Variants in TNFSF11 observed in about 807,000 individuals in gnomAD.
TNFSF11 encodes tumor necrosis factor ligand superfamily member 11.
A neutral mutation model predicts 32.2 loss-of-function variants in TNFSF11; 12 were observed. The observed-to-expected ratio is 0.37, with a 90% confidence interval of 0.24 to 0.60. The LOEUF (loss-of-function observed/expected upper bound fraction) is 0.60, where lower values mean the gene tolerates loss of function less well. TNFSF11 is among the 20% of genes least tolerant of loss of function. TNFSF11 has a pLI of 0.66. For missense variants in TNFSF11, 345 were observed against 398.0 expected, an observed-to-expected ratio of 0.87 and a Z score of 1.13; for synonymous variants, 172 against 152.1, an observed-to-expected ratio of 1.13 and a Z score of -0.96.
chr13:42,594,832 G>A (rs1868709783), intron 2 of TNFSF11, among the ~76,000 whole-genome samples: 1 of 152,138 alleles, frequency 6.6e-6, no homozygotes, highest in Non-Finnish European at 1.5e-5. Context: ...GTTCAGGAGA[G>A]GCAGTACTAG....
At chr13:42,584,094 AC>A (rs1280556424) in intron 2 of TNFSF11, among the ~76,000 whole-genome samples, 9 of 152,332 alleles carry the variant, frequency 5.9e-5, no homozygotes, top group Non-Finnish European at 1.2e-4. Context: ...TAGGAATAAA[AC>A]TAGAAACCTC....
intron 1 of TNFSF11, among the ~76,000 whole-genome samples, chr13:42,565,564 A>G (rs1025090394): frequency 6.6e-6 from 1 of 152,194 alleles, no homozygotes; most frequent in African/African-American, 2.4e-5. Flanking sequence ...AGCATGAACA[A>G]GGGAATAGAG....
chr13:42,574,341 G>C lies in TNFSF11; in HGVS notation c.38G>C (p.Arg13Pro), dbSNP rs374798454. 11 of 1,545,842 alleles carry C rather than the reference G, an allele frequency of 7.1e-6. No homozygotes were observed. The highest frequency in any genetic ancestry group is 9.6e-6 in the Non-Finnish European group (11 of 1,146,120). The change falls in exon 1 of 5, where the codon CGT becomes CCT. Residue 13 changes from arginine to proline, a missense_variant. By Grantham distance (103) the Arg-to-Pro change is moderately radical. Around this residue, in one of 2 missense-constraint regions of TNFSF11, gnomAD observed 197 missense variants for 182.0 expected, o/e 1.08. Coordinates refer to ENST00000398795, the MANE Select transcript of TNFSF11 (RefSeq NM_003701.4). ...AGCAGAGACTACACCAAGTACCTGCGTGGCTCGGAGGAGATGGGCGGCGGC... is the reference window on the plus strand; with the variant it reads ...AGCAGAGACTACACCAAGTACCTGCCTGGCTCGGAGGAGATGGGCGGCGGC... ...RASRDYTKYL[R>P]GSEEMGGGPG...
upstream of TNFSF11, among the ~76,000 whole-genome samples, chr13:42,572,347 A>C (rs1382373086): frequency 2.6e-5 from 4 of 152,232 alleles, no homozygotes; most frequent in Non-Finnish European, 5.9e-5. Flanking sequence ...CATTAAAAAG[A>C]ATGGAAGACA....
At position 42,607,194 on chromosome 13, in the gene TNFSF11, G is replaced by A; in HGVS notation, c.*276G>A. The A allele has an allele frequency of 5.2e-6, 2 of 386,372 alleles. No homozygotes were observed. The highest frequency in any genetic ancestry group is 5.7e-5 in the South Asian group (2 of 34,812). The allele number at this position is 386,372 out of a possible 1,614,324, so 23.9% of individuals were successfully genotyped here. On this transcript the variant is annotated 3_prime_UTR_variant, in exon 5 of 5. Transcript: ENST00000398795. Reference sequence around the variant, plus strand: ...GAGCAATTACGGGGTGACCTTATGAGAAACTGCATGTGGGCTATGGGAGGG... The same window carrying A: ...GAGCAATTACGGGGTGACCTTATGAAAAACTGCATGTGGGCTATGGGAGGG...
chr13:42,584,428 G>A (rs749729987), intron 2 of TNFSF11, among the ~76,000 whole-genome samples: 1 of 152,170 alleles, frequency 6.6e-6, no homozygotes, highest in Non-Finnish European at 1.5e-5. Flanking sequence ...TTGCTCACTG[G>A]CAGTAGTGTC....
chr13:42,598,741 G>A (rs79156399), intron 2 of TNFSF11, among the ~76,000 whole-genome samples: 3,219 of 152,306 alleles, frequency 0.021, 117 homozygotes, highest in African/African-American at 0.073. Flanking sequence ...AGGTAGTAGA[G>A]CGCCATGAGC....
intron 1 of TNFSF11, among the ~76,000 whole-genome samples, chr13:42,564,945 GC>G (rs1187297318): frequency 6.6e-6 from 1 of 152,162 alleles, no homozygotes; most frequent in Admixed American, 6.5e-5. Context: ...CAGCCACTTT[GC>G]CAGTACTCAA....
In TNFSF11 at chr13:42,581,188, T is replaced by C; in HGVS notation, c.282T>C (p.His94=). The C allele has an allele frequency of 6.2e-7, 1 of 1,614,112 alleles. No individual in the cohort carries two copies. The highest frequency in any genetic ancestry group is 8.5e-7 in the Non-Finnish European group (1 of 1,179,976). Residue 94 remains histidine, a synonymous_variant, in exon 2 of 5, where the codon CAT becomes CAC. Transcript: ENST00000398795. ...THCIYRILRL[H]ENADFQDTTL... ...GCATTTATAGAATTTTGAGACTCCA[T>C]GAAAATGCAGATTTTCAAGACACAA...
At chr13:42,599,025 G>C (rs948092628) in intron 2 of TNFSF11, among the ~76,000 whole-genome samples, 1 of 152,166 alleles carries the variant, frequency 6.6e-6, no homozygotes, top group Non-Finnish European at 1.5e-5. Flanking sequence ...TACCCGCCCT[G>C]CACACGGCAC....
chr13:42,586,915 A>G (rs1017262067), intron 2 of TNFSF11, among the ~76,000 whole-genome samples: 4 of 152,234 alleles, frequency 2.6e-5, no homozygotes, highest in Non-Finnish European at 5.9e-5. Flanking sequence ...TTCAGAATTC[A>G]CAATATCCTC....
At chr13:42,570,047 C>T (rs185856320), upstream of TNFSF11, among the ~76,000 whole-genome samples, 1 of 151,958 alleles carries the variant, frequency 6.6e-6, no homozygotes, top group Non-Finnish European at 1.5e-5. Flanking sequence ...TTTGAATACA[C>T]CAAATATTTA....
At chr13:42,582,587 A>T (rs1873669460) in intron 2 of TNFSF11, among the ~76,000 whole-genome samples, 1 of 152,268 alleles carries the variant, frequency 6.6e-6, no homozygotes, top group African/African-American at 2.4e-5. Context: ...TATGGAATGC[A>T]TGAAGTACCT....
At chr13:42,583,851 T>C (rs1873755998) in intron 2 of TNFSF11, among the ~76,000 whole-genome samples, 7 of 151,752 alleles carry the variant, frequency 4.6e-5, no homozygotes, top group Admixed American at 3.9e-4. Flanking sequence ...AATAAGAAAA[T>C]ATATATAGAG....
At position 42,564,884 on chromosome 13, in the gene TNFSF11, G is replaced by A. The variant is rs1353823416; in HGVS notation, c.-301-1737G>A. 2.0e-5 allele frequency among the ~76,000 whole-genome samples: 3 copies of A among 152,284 alleles called. No individual in the cohort carries two copies. The East Asian group carries it at 5.8e-4, about 29-fold the overall frequency. ...TTATTTTGTTCTCTTTCTCTGACAA[G>A]TTTCTCTCATACACTAGAAGATCTC... On this transcript the variant is annotated intron_variant, in intron 1 of 6. Coordinates refer to the TNFSF11 transcript ENST00000358545.
intron 2 of TNFSF11, among the ~76,000 whole-genome samples, chr13:42,590,452 A>G (rs1463618424): frequency 6.6e-6 from 1 of 152,214 alleles, no homozygotes; most frequent in Non-Finnish European, 1.5e-5. Flanking sequence ...TCCTGGCCTC[A>G]TGGATCTAAA....
chr13:42,572,906 C>G (rs1009276050), upstream of TNFSF11, among the ~76,000 whole-genome samples: 1 of 152,176 alleles, frequency 6.6e-6, no homozygotes, highest in Non-Finnish European at 1.5e-5. Flanking sequence ...CCCCTGATAT[C>G]CATGGAAGAC....
At chr13:42,584,685 G>A (rs886393370) in intron 2 of TNFSF11, among the ~76,000 whole-genome samples, 2 of 152,178 alleles carry the variant, frequency 1.3e-5, no homozygotes, top group Non-Finnish European at 1.5e-5. Flanking sequence ...CAAACCATAA[G>A]GAGAAAATTG....
intron 1 of TNFSF11, among the ~76,000 whole-genome samples, chr13:42,578,411 C>G (rs117106967): frequency 6.6e-6 from 1 of 152,170 alleles, no homozygotes; most frequent in Non-Finnish European, 1.5e-5. Context: ...TCTCCTCCTC[C>G]GTTTTCTCCT....
Sources: gnomAD v4.1 joint callset for allele counts (sites outside exome capture counted in the v4.1 genomes callset) on GRCh38, gnomAD v4.1.1 for gene constraint, gnomAD v4.1.1 regional missense constraint, MANE v1.5 for transcripts, NCBI Gene and HGNC (gene_info 2026-07-23, HGNC 2026-07-21) for gene names.